FBXO4: variants seen among roughly 807,000 people sequenced by gnomAD.
FBXO4 encodes F-box only protein 4.
FBXO4 carries 36 observed loss-of-function variants against 43.7 expected under a neutral mutation model. That is an observed-to-expected ratio of 0.82 (90% CI 0.63 to 1.09). The LOEUF is 1.09. Ranked by LOEUF, FBXO4 falls within the 50% of genes least tolerant of loss-of-function variation. The probability of loss-of-function intolerance (pLI) is 0.00; values close to 1 mark genes in which losing one functional copy is unlikely to be tolerated. For missense variants in FBXO4, 435 were observed against 474.1 expected (o/e 0.92, Z 0.77); for synonymous variants, 180 against 165.6 (o/e 1.09, Z -0.67).
At chr5:41,946,053 A>G (rs192694569), downstream of FBXO4, among the ~76,000 whole-genome samples, 615 of 152,258 alleles carry the variant, frequency 4.0e-3, 9 homozygotes, top group African/African-American at 0.014. Flanking sequence ...TAATCAAATG[A>G]CCTTAAATCC....
chr5:41,968,997 T>C, the FBXO4 span, among the ~76,000 whole-genome samples: 1 of 152,214 alleles, frequency 6.6e-6, no homozygotes, highest in African/African-American at 2.4e-5. Flanking sequence ...GGTTTTCTTA[T>C]CTATAAAGTT....
chr5:41,980,144 T>G, the FBXO4 span, among the ~76,000 whole-genome samples: 1 of 152,162 alleles, frequency 6.6e-6, no homozygotes, highest in African/African-American at 2.4e-5. Flanking sequence ...ACTGAGCCAC[T>G]CATGGTAATG....
chr5:41,961,214 A>G, the FBXO4 span, among the ~76,000 whole-genome samples: 1 of 152,256 alleles, frequency 6.6e-6, no homozygotes. Context: ...TTCAGTGGCC[A>G]ATGGTGTGGA....
chr5:41,934,477 G>A, intron 5 of FBXO4, 169 bp downstream of exon 5: 6 of 1,437,654 alleles, frequency 4.2e-6, no homozygotes, highest in Non-Finnish European at 5.5e-6. Context: ...GTGTGTATTA[G>A]GATCACCTGG....
At chr5:41,939,717 T>G in intron 6 of FBXO4, 101 bp downstream of exon 6, 1 of 960,780 alleles carries the variant, frequency 1.0e-6, no homozygotes, top group Non-Finnish European at 1.5e-6. Context: ...AATGGCATTC[T>G]AAAGTCAATT....
intron 6 of FBXO4, 132 bp from the exon 7 acceptor site, chr5:41,941,060 C>A (rs1441359362): frequency 1.7e-5 from 10 of 583,700 alleles, no homozygotes; most frequent in Non-Finnish European, 3.0e-5. Context: ...AAAACTTGAG[C>A]AACTTATCCA....
At chr5:42,029,258 G>C in the FBXO4 span, among the ~76,000 whole-genome samples, 2 of 151,872 alleles carry the variant, frequency 1.3e-5, no homozygotes, top group Non-Finnish European at 2.9e-5. Context: ...CTTTATATAC[G>C]TCATGCCACT....
intron 5 of FBXO4, among the ~76,000 whole-genome samples, chr5:41,937,799 A>G (rs1231113064): frequency 6.6e-6 from 1 of 152,252 alleles, no homozygotes; most frequent in Non-Finnish European, 1.5e-5. Flanking sequence ...CAAACATTGC[A>G]TTCTCACATG....
At chr5:41,978,662 A>C in the FBXO4 span, among the ~76,000 whole-genome samples, 1 of 152,198 alleles carries the variant, frequency 6.6e-6, no homozygotes, top group Non-Finnish European at 1.5e-5. Flanking sequence ...TTAGTGGCCA[A>C]GTTTTTCTCA....
In FBXO4 at chr5:41,939,222, G is replaced by A. The variant is rs548940838; in HGVS notation, c.899-219G>A. ...TGAAAGTAAGCCCTTTGAATGAAAG[G>A]GTAGTGACATCTACAGAATTTGTGA... On this transcript the variant is annotated intron_variant, in intron 5 of 6. Coordinates refer to ENST00000281623, the MANE Select transcript of FBXO4 (RefSeq NM_012176.3). 44 of 393,676 alleles carry A rather than the reference G, an allele frequency of 1.1e-4. 1 individual carries two copies. The South Asian group carries it at 2.7e-3, about 24-fold the overall frequency. 24.4% of individuals were successfully genotyped at this position (393,676 alleles called of 1,614,324 possible). A position where few individuals can be genotyped will look rare whatever the true frequency, so the allele number is the denominator to read the frequency against.
chr5:42,011,318 G>T, the FBXO4 span, among the ~76,000 whole-genome samples: 3 of 152,094 alleles, frequency 2.0e-5, no homozygotes, highest in Non-Finnish European at 4.4e-5. Context: ...TAGCTCTCTC[G>T]GGACTGCATT....
chr5:41,952,645 G>C, the FBXO4 span, among the ~76,000 whole-genome samples: 9 of 152,056 alleles, frequency 5.9e-5, no homozygotes, highest in East Asian at 1.7e-3. Flanking sequence ...CTCCTAGCCC[G>C]AGGCAACCAC....
the FBXO4 span, among the ~76,000 whole-genome samples, chr5:41,949,237 T>G: frequency 2.0e-5 from 3 of 152,042 alleles, no homozygotes; most frequent in African/African-American, 7.2e-5. Flanking sequence ...GAGAAAGAAA[T>G]AAAGGGTATT....
At chr5:41,932,695 G>A (rs755876230) in intron 3 of FBXO4, among the ~76,000 whole-genome samples, 20 of 152,180 alleles carry the variant, frequency 1.3e-4, no homozygotes, top group Non-Finnish European at 2.6e-4. Flanking sequence ...GAGGCAAGAA[G>A]ATATAGGAGA....
At chr5:42,021,501 TAA>T in the FBXO4 span, among the ~76,000 whole-genome samples, 1 of 152,108 alleles carries the variant, frequency 6.6e-6, no homozygotes. Flanking sequence ...TTAGGGGTGT[TAA>T]GTTTGCAATG....
chr5:42,032,315 A>G, the FBXO4 span, among the ~76,000 whole-genome samples: 1 of 152,168 alleles, frequency 6.6e-6, no homozygotes, highest in Admixed American at 6.5e-5. Flanking sequence ...CCTCCCCTGC[A>G]GTCTAGGGAG....
chr5:41,940,855 A>G (rs1236923258), intron 6 of FBXO4, among the ~76,000 whole-genome samples: 3 of 152,192 alleles, frequency 2.0e-5, no homozygotes, highest in Non-Finnish European at 2.9e-5. Flanking sequence ...ACATATGACT[A>G]ACTGGGTCAC....
At chr5:42,003,759 A>T in the FBXO4 span, among the ~76,000 whole-genome samples, 145 of 147,232 alleles carry the variant, frequency 9.8e-4, no homozygotes, top group Non-Finnish European at 1.6e-3. Context: ...ATGAGTGAGA[A>T]CATGTTGTGT....
At chr5:41,926,524 G>C (rs893496097) in intron 1 of FBXO4, among the ~76,000 whole-genome samples, 2 of 152,226 alleles carry the variant, frequency 1.3e-5, no homozygotes, top group African/African-American at 4.8e-5. Context: ...AGTGAGCCGA[G>C]ATCTTGCCAC....
Sources: gnomAD v4.1 joint callset for allele counts (sites outside exome capture counted in the v4.1 genomes callset) on GRCh38, gnomAD v4.1.1 for gene constraint, MANE v1.5 for transcripts, NCBI Gene and HGNC (gene_info 2026-07-23, HGNC 2026-07-21) for gene names.